MCPH1: variants seen among roughly 807,000 people sequenced by gnomAD.
MCPH1 encodes the protein microcephalin.
A neutral mutation model predicts 84.5 loss-of-function variants in MCPH1; 104 were observed. That is an observed-to-expected ratio of 1.23 (90% CI 1.05 to 1.45). The LOEUF is 1.45. Among genes scored for constraint, MCPH1 ranks in the 40% most tolerant of loss-of-function variants. MCPH1 has a pLI of 0.00. For synonymous variants in MCPH1, 514 were observed against 366.8 expected (o/e 1.40, Z -4.58); for missense variants, 1,498 against 1,005.7 (o/e 1.49, Z -6.62).
At chr8:6,428,937 C>T (rs1801450232) in intron 3 of MCPH1, among the ~76,000 whole-genome samples, 1 of 152,134 alleles carries the variant, frequency 6.6e-6, no homozygotes, top group Non-Finnish European at 1.5e-5. Context: ...GGCCGTATTG[C>T]TGTTTCGGTT....
intron 11 of MCPH1, among the ~76,000 whole-genome samples, 162 bp downstream of exon 11, chr8:6,481,038 G>C (rs1470778042): frequency 6.6e-6 from 1 of 152,166 alleles, no homozygotes; most frequent in Non-Finnish European, 1.5e-5. Flanking sequence ...TTGGTCTCCC[G>C]TGGGCTGCTA....
At chr8:6,604,697 G>T (rs1043420618) in intron 12 of MCPH1, among the ~76,000 whole-genome samples, 9 of 152,208 alleles carry the variant, frequency 5.9e-5, no homozygotes, top group Non-Finnish European at 1.2e-4. Context: ...TAGAGACAGG[G>T]TTTCACCATG....
rs1366000746 is a variant in MCPH1, at chr8:6,438,983, C to G, written c.467C>G (p.Ser156Cys). ...DDDVPILLFE[S>C]NGSLIYTPTI... ...GATGTACCTATTCTCTTATTTGAAT[C>G]TAATGGTTCATTAATATATACTCCC... Residue 156 changes from serine (S) to cysteine (C), a missense_variant, in exon 6 of 14, where the codon TCT becomes TGT. Ser to Cys is a moderately radical substitution (Grantham distance 112). Coordinates refer to ENST00000344683, the MANE Select transcript of MCPH1 (RefSeq NM_024596.5). The G allele has an allele frequency of 6.2e-7, 1 of 1,611,562 alleles. No homozygotes were observed. The highest frequency in any genetic ancestry group is 1.7e-4 in the Middle Eastern group (1 of 6,058).
intron 9 of MCPH1, among the ~76,000 whole-genome samples, chr8:6,459,676 G>A (rs1806064562): frequency 6.6e-6 from 1 of 152,216 alleles, no homozygotes; most frequent in Admixed American, 6.5e-5. Flanking sequence ...TTTCTGTAGT[G>A]AGGAAAATGA....
In MCPH1 at chr8:6,495,236, A is replaced by T. The variant is rs145914671; in HGVS notation, c.2137-4616A>T. Among the ~76,000 whole-genome samples, 45 of 152,358 alleles carry T rather than the reference A, an allele frequency of 3.0e-4. 1 individual carries two copies. In the East Asian group the frequency reaches 8.3e-3, roughly 28 times the overall value. ...CTCCTGAAGTTCAGTATAACCTAGA[A>T]ATAACTTCATTGCTACACTATTTCA... On this transcript the variant is annotated intron_variant, in intron 11 of 13. Transcript: ENST00000344683.
At chr8:6,592,614 CTTTTTTTTGTTTTT>C in intron 12 of MCPH1, among the ~76,000 whole-genome samples, 1 of 65,548 alleles carries the variant, frequency 1.5e-5, no homozygotes, top group East Asian at 7.1e-4. Flanking sequence ...GTTTTTCTTT[CTTTTTTTTGTTTTT>C]TTTTTTTTTT....
At chr8:6,427,943 C>A (rs1347055890) in intron 3 of MCPH1, among the ~76,000 whole-genome samples, 1 of 151,984 alleles carries the variant, frequency 6.6e-6, no homozygotes, top group African/African-American at 2.4e-5. Flanking sequence ...CAGGCACGCA[C>A]CACCACGCCC....
chr8:6,562,849 A>G (rs750598634), intron 12 of MCPH1: 3 of 1,613,318 alleles, frequency 1.9e-6, no homozygotes, highest in African/African-American at 1.3e-5. Flanking sequence ...CTTCTTTCCT[A>G]TGCTGTCCAT....
At chr8:6,436,216 T>G in intron 5 of MCPH1, 54 bp downstream of exon 5, 4 of 1,571,588 alleles carry the variant, frequency 2.5e-6, no homozygotes, top group South Asian at 1.1e-5. Flanking sequence ...ACACCTTGTT[T>G]AATTTGCATG....
intron 11 of MCPH1, among the ~76,000 whole-genome samples, chr8:6,482,122 A>G (rs1809324328): frequency 6.6e-6 from 1 of 152,166 alleles, no homozygotes; most frequent in African/African-American, 2.4e-5. Context: ...TTTGTCTTCA[A>G]GGAACCCTTA....
intron 3 of MCPH1, among the ~76,000 whole-genome samples, chr8:6,421,300 G>C (rs1014370636): frequency 2.6e-5 from 4 of 152,134 alleles, no homozygotes; most frequent in Admixed American, 6.5e-5. Context: ...CTTTTAGAGA[G>C]GCAATGTGAT....
At chr8:6,572,231 C>A (rs1826718240) in intron 12 of MCPH1, among the ~76,000 whole-genome samples, 1 of 151,946 alleles carries the variant, frequency 6.6e-6, no homozygotes, top group African/African-American at 2.4e-5. Flanking sequence ...TGAAACTATT[C>A]TAGTAAAATA....
chr8:6,515,218 C>CA (rs36099758), intron 12 of MCPH1, among the ~76,000 whole-genome samples: 49,294 of 151,924 alleles, frequency 0.32, 8,320 homozygotes, highest in Middle Eastern at 0.48. Flanking sequence ...CAGCCCCTGC[C>CA]CCTCCACAGA....
chr8:6,458,575 G>A (rs994955369), intron 9 of MCPH1, among the ~76,000 whole-genome samples: 2 of 152,044 alleles, frequency 1.3e-5, no homozygotes, highest in African/African-American at 2.4e-5. Context: ...TGAAGGACGT[G>A]TTTTATTATT....
At chr8:6,532,637 ATT>A in intron 12 of MCPH1, 1 of 617,102 alleles carries the variant, frequency 1.6e-6, no homozygotes, top group Non-Finnish European at 2.5e-6. Flanking sequence ...GAATCTTACT[ATT>A]TTTTTTTATC....
intron 13 of MCPH1, chr8:6,642,671 A>T: frequency 2.3e-6 from 1 of 432,256 alleles, no homozygotes; most frequent in African/African-American, 2.0e-5. Flanking sequence ...CTTGGCTCCT[A>T]TGTCACAGAC....
chr8:6,614,809 C>T (rs1422610886), intron 12 of MCPH1, among the ~76,000 whole-genome samples: 3 of 152,190 alleles, frequency 2.0e-5, no homozygotes, highest in African/African-American at 7.2e-5. Flanking sequence ...CACAGGAAGC[C>T]AGTCACATTA....
intron 3 of MCPH1, among the ~76,000 whole-genome samples, chr8:6,417,661 A>G (rs1799509192): frequency 1.3e-5 from 2 of 150,778 alleles, no homozygotes; most frequent in South Asian, 4.2e-4. Flanking sequence ...CATTCTTTTT[A>G]TTTCGGTTTC....
chr8:6,533,521 T>G (rs1220448058), intron 12 of MCPH1, among the ~76,000 whole-genome samples: 1 of 152,032 alleles, frequency 6.6e-6, no homozygotes, highest in Non-Finnish European at 1.5e-5. Flanking sequence ...AAGCTGTGCT[T>G]TTAAAGTCAT....
Sources: allele counts gnomAD v4.1 joint callset (sites outside exome capture counted in the v4.1 genomes callset), GRCh38; gene constraint gnomAD v4.1.1; transcripts MANE v1.5; gene names NCBI Gene and HGNC (gene_info 2026-07-23, HGNC 2026-07-21).